Variants in COTL1 observed in about 807,000 individuals in gnomAD.
COTL1 encodes the protein coactosin like F-actin binding protein 1, also known as coactosin-like protein.
Under a neutral mutation model 16.5 loss-of-function variants are expected in COTL1, and 15 were observed. That is an observed-to-expected ratio of 0.91 (90% CI 0.61 to 1.40). COTL1 has a LOEUF of 1.40. Ranked by LOEUF, COTL1 falls within the 40% of genes most tolerant of loss-of-function variation. The pLI is 0.00. For missense variants in COTL1, 220 were observed against 201.5 expected (o/e 1.09, Z -0.56); for synonymous variants, 112 against 85.3 (o/e 1.31, Z -1.73).
intron 2 of COTL1, among the ~76,000 whole-genome samples, chr16:84,608,701 T>A (rs993685043): frequency 2.0e-5 from 3 of 152,028 alleles, no homozygotes; most frequent in African/African-American, 7.3e-5. Context: ...AGCCCAGGAG[T>A]TCGAGACCTG....
intron 2 of COTL1, among the ~76,000 whole-genome samples, chr16:84,614,835 C>A (rs1319607365): frequency 3.3e-5 from 5 of 152,160 alleles, no homozygotes; most frequent in African/African-American, 1.2e-4. Context: ...AGCAATCCCA[C>A]GAGAGGTGAG....
At chr16:84,581,279 C>G (rs953379914) in intron 3 of COTL1, among the ~76,000 whole-genome samples, 1 of 152,202 alleles carries the variant, frequency 6.6e-6, no homozygotes, top group Non-Finnish European at 1.5e-5. Flanking sequence ...TATGCAAATA[C>G]CGTCCTTCCA....
At chr16:84,567,557 T>C (rs914777341) in intron 3 of COTL1, 1 of 152,444 alleles carries the variant, frequency 6.6e-6, no homozygotes, top group African/African-American at 2.4e-5. Context: ...ATGTTCCTAA[T>C]GACGCAGGAG....
At position 84,617,846 on chromosome 16, in the gene COTL1, G is replaced by C. The variant is rs144159131; in HGVS notation, c.69C>G (p.Ala23=). 269 of 1,572,902 alleles carry C rather than the reference G, an allele frequency of 1.7e-4. 1 individual carries two copies. The highest frequency in any genetic ancestry group is 1.5e-3 in the South Asian group (125 of 86,080). Residue 23 remains alanine (A), a synonymous_variant, in exon 1 of 4, where the codon GCC becomes GCG. Coordinates refer to ENST00000262428, the MANE Select transcript of COTL1 (RefSeq NM_021149.5). ...AYNLVRDDGS[A]VIWVTFKYDG... ...GAATGAAAAGTTCCTACCAGATGAC[G>C]GCCGAGCCGTCGTCGCGCACCAGGT...
chr16:84,575,104 C>T lies in COTL1; in HGVS notation c.319-8149G>A, dbSNP rs147493876. 9.9e-3 allele frequency among the ~76,000 whole-genome samples: 1,499 copies of T among 152,092 alleles called. 15 individuals are homozygous for T. Among genetic ancestry groups the T allele is most frequent in the Middle Eastern group, 0.02 (6 of 294 alleles). On this transcript the variant is annotated intron_variant, in intron 3 of 3. Coordinates refer to ENST00000262428, the MANE Select transcript of COTL1 (RefSeq NM_021149.5). The stretch of plus-strand genomic sequence containing the variant: ...CTAGGCTGGAGTGCAGTGGTGCAAT[C>T]TCAGTTCACTGTAACCTCCACCTCC...
rs146830679 is a variant in COTL1, at chr16:84,590,879, A to T, written c.161-617T>A. On this transcript the variant is annotated intron_variant, in intron 2 of 3. Coordinates refer to ENST00000262428, the MANE Select transcript of COTL1 (RefSeq NM_021149.5). The surrounding 1 kb of genome is among the most constrained non-coding windows in gnomAD (Gnocchi z 5.5). ...CTGGGTATGAAGAGGAAACAAAGAA[A>T]ATGGCTCTTAATTTGGCCCGGGATA... Among the ~76,000 whole-genome samples the T allele has an allele frequency of 4.9e-3, 750 of 152,266 alleles. 6 individuals carry two copies. Among genetic ancestry groups the T allele is most frequent in the African/African-American group, 0.017 (712 of 41,566 alleles).
At chr16:84,567,122 A>C in intron 3 of COTL1, 167 bp from the exon 4 acceptor site, 1 of 584,140 alleles carries the variant, frequency 1.7e-6, no homozygotes, top group Non-Finnish European at 3.1e-6. Flanking sequence ...AGCAGAGTCA[A>C]TGGAAATTGA....
chr16:84,568,992 C>T (rs1904310359), intron 3 of COTL1: 1 of 152,224 alleles, frequency 6.6e-6, no homozygotes. Flanking sequence ...TTGCACAACA[C>T]TGTGAATGTT....
At chr16:84,580,960 G>C (rs1904575125) in intron 3 of COTL1, among the ~76,000 whole-genome samples, 1 of 152,188 alleles carries the variant, frequency 6.6e-6, no homozygotes, top group Non-Finnish European at 1.5e-5. Context: ...GGCCAACATG[G>C]TGAAACCCCA....
rs192645589 is a variant in COTL1 at position 84,611,986 on chromosome 16, C to G, written c.160+5515G>C. Among the ~76,000 whole-genome samples the G allele has an allele frequency of 2.4e-3, 372 of 152,262 alleles. 1 individual carries two copies. Among genetic ancestry groups the G allele is most frequent in the Non-Finnish European group, 4.9e-3 (332 of 68,014 alleles). On this transcript the variant is annotated intron_variant, in intron 2 of 3. Transcript: ENST00000262428. ...TGCTCCAGGCTCCCAGTGGCTCTGT[C>G]AGGTGAACCTGTGACCCTCCAGCCC...
At chr16:84,598,667 C>T (rs1294285857) in intron 2 of COTL1, among the ~76,000 whole-genome samples, 1 of 142,474 alleles carries the variant, frequency 7.0e-6, no homozygotes, top group Non-Finnish European at 1.6e-5. Flanking sequence ...ACCCCCCCCA[C>T]CAACCCCGAC....
In COTL1 at chr16:84,617,827, A is replaced by G. The variant is rs1793220974; in HGVS notation, c.77+11T>C. On this transcript the variant is annotated intron_variant, in intron 1 of 3. Coordinates refer to ENST00000262428, the MANE Select transcript of COTL1 (RefSeq NM_021149.5). ...GGGAGCGGGGCGTGGAGACGAATGAAAAGTTCCTACCAGATGACGGCCGAG... is the reference window on the plus strand; with the variant it reads ...GGGAGCGGGGCGTGGAGACGAATGAGAAGTTCCTACCAGATGACGGCCGAG... 1.3e-6 allele frequency: 2 copies of G among 1,569,474 alleles called. No homozygotes were observed. The highest frequency in any genetic ancestry group is 1.4e-5 in the African/African-American group (1 of 73,868).
At chr16:84,595,763 T>C (rs950313743) in intron 2 of COTL1, 8 of 152,124 alleles carry the variant, frequency 5.3e-5, no homozygotes, top group African/African-American at 1.9e-4. Flanking sequence ...TATATACATA[T>C]ATTTGTGTGT....
chr16:84,613,805 C>G (rs1041196108), intron 2 of COTL1, among the ~76,000 whole-genome samples: 4 of 152,192 alleles, frequency 2.6e-5, no homozygotes, highest in Non-Finnish European at 4.4e-5. Flanking sequence ...AAGTCAGTCT[C>G]CTGGTTTGAG....
At chr16:84,607,455 G>A (rs1905236550) in intron 2 of COTL1, among the ~76,000 whole-genome samples, 1 of 152,190 alleles carries the variant, frequency 6.6e-6, no homozygotes. Flanking sequence ...GAAAATGTCA[G>A]GTTCCTCCTC....
At chr16:84,610,821 C>T (rs142342838) in intron 2 of COTL1, among the ~76,000 whole-genome samples, 1,624 of 152,070 alleles carry the variant, frequency 0.011, 28 homozygotes, top group African/African-American at 0.037. Flanking sequence ...ATCATCTCCA[C>T]CCAGACCATC....
intron 3 of COTL1, among the ~76,000 whole-genome samples, chr16:84,579,890 A>G (rs1407535063): frequency 1.3e-5 from 2 of 152,226 alleles, no homozygotes; most frequent in Non-Finnish European, 2.9e-5. Context: ...GCCTTTCATG[A>G]AGGCTGGGAA....
intron 3 of COTL1, among the ~76,000 whole-genome samples, chr16:84,587,986 G>A (rs1904774847): frequency 6.6e-6 from 1 of 151,910 alleles, no homozygotes; most frequent in African/African-American, 2.4e-5. Flanking sequence ...TGGCCAGGCT[G>A]GTCTCAAACT....
At chr16:84,606,364 A>T (rs952976400) in intron 2 of COTL1, among the ~76,000 whole-genome samples, 2 of 152,216 alleles carry the variant, frequency 1.3e-5, no homozygotes, top group Admixed American at 6.5e-5. Flanking sequence ...GCTCTCAGAC[A>T]TCTACATGGA....
Sources: allele counts gnomAD v4.1 joint callset (sites outside exome capture counted in the v4.1 genomes callset), GRCh38; gene constraint gnomAD v4.1.1; non-coding constraint Gnocchi (gnomAD v3.1); transcripts MANE v1.5; gene names NCBI Gene and HGNC (gene_info 2026-07-23, HGNC 2026-07-21).